The following FRMD1 variants were observed in gnomAD, a reference collection of about 807,000 sequenced individuals.
FRMD1 encodes FERM domain containing 1, also known as FERM domain-containing protein 1.
FRMD1 carries 51 observed loss-of-function variants against 54.9 expected under a neutral mutation model. The ratio of observed to expected loss-of-function variants is 0.93; its 90% CI spans 0.74 to 1.17. The LOEUF (loss-of-function observed/expected upper bound fraction) is 1.17, where lower values mean the gene tolerates loss of function less well. Among genes scored for constraint, FRMD1 ranks in the 50% most tolerant of loss-of-function variants. The probability of loss-of-function intolerance (pLI) is 0.00; values close to 1 mark genes in which losing one functional copy is unlikely to be tolerated. For missense variants in FRMD1, 729 were observed against 743.0 expected (o/e 0.98, Z 0.22); for synonymous variants, 324 against 306.4 (o/e 1.06, Z -0.60).
Position 168,059,817 on chromosome 6 carries a change from C to T in FRMD1, c.1343-629G>A, listed in dbSNP as rs968241579. Among the ~76,000 whole-genome samples the T allele has an allele frequency of 5.9e-5, 9 of 152,044 alleles. No individual in the cohort carries two copies. Among genetic ancestry groups the T allele is most frequent in the African/African-American group, 1.9e-4 (8 of 41,396 alleles). ...GGCCAGGTGCACACACAGTCCTACA[C>T]ACAGGGAATGGGCAGGGTGCATCCC... is the stretch of plus-strand genomic sequence containing the variant. On this transcript the variant is annotated intron_variant, in intron 9 of 10. Coordinates refer to ENST00000283309, the MANE Select transcript of FRMD1 (RefSeq NM_024919.6). The surrounding 1 kb of genome is among the most constrained non-coding windows in gnomAD (Gnocchi z 4.4).
intron 2 of FRMD1, among the ~76,000 whole-genome samples, chr6:168,073,008 G>A (rs575866969): frequency 6.6e-6 from 1 of 152,182 alleles, no homozygotes; most frequent in Non-Finnish European, 1.5e-5. Flanking sequence ...GGGAAGCTAC[G>A]TGTTTTGACT....
rs1379197569 is a variant in FRMD1, at chr6:168,054,656, A to G, written c.*2441T>C. On this transcript the variant is annotated 3_prime_UTR_variant, in exon 11 of 11. Transcript: ENST00000283309. ...CTGGAAAATAGCCGTATTGCCTAAA[A>G]GACCTCTGATCTCAATCTGTGCAAA... The G allele has an allele frequency of 6.6e-6, 1 of 152,170 alleles. No individual in the cohort carries two copies. The allele number at this position is 152,170 out of a possible 1,614,324, so 9.4% of individuals were successfully genotyped here.
In FRMD1 at chr6:168,075,240, C is replaced by T. The variant is rs1405573008; in HGVS notation, c.304+5G>A. On this transcript the variant is annotated splice_donor_5th_base_variant and intron_variant, in intron 2 of 10. Transcript: ENST00000283309. ...TCCTGCAGGTGGGGACTGAGCGATG[C>T]TTACTTCTGACCACACAGAGGCCAA... The T allele has an allele frequency of 6.2e-7, 1 of 1,613,306 alleles. No individual in the cohort carries two copies. The highest frequency in any genetic ancestry group is 2.2e-5 in the East Asian group (1 of 44,880).
chr6:168,071,872 C>T (rs1800324427), intron 2 of FRMD1, among the ~76,000 whole-genome samples: 1 of 152,228 alleles, frequency 6.6e-6, no homozygotes, highest in African/African-American at 2.4e-5. Flanking sequence ...GCGCTGCAGG[C>T]CCTCATCCTG....
chr6:168,091,428 C>T (rs1801014015), intron 1 of FRMD1, among the ~76,000 whole-genome samples: 1 of 152,244 alleles, frequency 6.6e-6, no homozygotes, highest in Non-Finnish European at 1.5e-5. Flanking sequence ...CCAGCAGAGT[C>T]CTCCTCAAGT....
intron 4 of FRMD1, chr6:168,065,330 G>A (rs1799974621): frequency 8.0e-7 from 1 of 1,246,986 alleles, no homozygotes. Flanking sequence ...TCCCCAGTGA[G>A]CTTGGCCTTC....
In FRMD1 at chr6:168,067,465, G is replaced by A. The variant is rs759674280; in HGVS notation, c.305-19C>T. On this transcript the variant is annotated intron_variant, in intron 2 of 10. Transcript: ENST00000283309. ...TCATTGTCTGAAAGCAAAACAAAAG[G>A]CTTCATCAGAGCAGTCACCATGCTT... 2 of 1,521,920 alleles carry A rather than the reference G, an allele frequency of 1.3e-6. No homozygotes were observed. The highest frequency in any genetic ancestry group is 1.8e-6 in the Non-Finnish European group (2 of 1,101,410). The allele number at this position is 1,521,920 out of a possible 1,614,324, so 94.3% of individuals were successfully genotyped here. A position where few individuals can be genotyped will look rare whatever the true frequency, so the allele number is the denominator to read the frequency against.
upstream of FRMD1, among the ~76,000 whole-genome samples, chr6:168,085,764 T>C (rs1366072339): frequency 6.7e-6 from 1 of 150,340 alleles, no homozygotes; most frequent in African/African-American, 2.5e-5. Flanking sequence ...AAGCCTTCCA[T>C]GGCTCCCTAT....
rs761882880 is a variant in FRMD1 at position 168,067,127 on chromosome 6, C to T, written c.384+240G>A. The T allele has an allele frequency of 4.3e-6, 3 of 703,292 alleles. No homozygotes were observed. The South Asian group carries it at 4.5e-5, about 11-fold the overall frequency. 43.6% of individuals were successfully genotyped at this position (703,292 alleles called of 1,614,324 possible). On this transcript the variant is annotated intron_variant, in intron 3 of 10. Coordinates refer to ENST00000283309, the MANE Select transcript of FRMD1 (RefSeq NM_024919.6). ...CTGCGGACAGCCCCTCTGGACGGAG[C>T]AGCTGCGTGGACAGAAGGCAGCACA...
At chr6:168,066,734 T>C in intron 4 of FRMD1, 21 bp downstream of exon 4, 1 of 1,605,796 alleles carries the variant, frequency 6.2e-7, no homozygotes, top group Non-Finnish European at 8.5e-7. Context: ...GAAACACCCC[T>C]TACAGTCCGC....
chr6:168,057,005 C>T lies in FRMD1; in HGVS notation c.*92G>A. On this transcript the variant is annotated 3_prime_UTR_variant, in exon 11 of 11. Transcript: ENST00000283309. ...CTGGCTGCGGAAGTGCAGGCAGCAT[C>T]TGGCGGGCAGGAAGGGACGAGGGCC... 1.5e-6 allele frequency: 2 copies of T among 1,375,028 alleles called. No individual in the cohort carries two copies. Among genetic ancestry groups the T allele is most frequent in the East Asian group, 5.5e-5 (2 of 36,044 alleles). 85.2% of individuals were successfully genotyped at this position (1,375,028 alleles called of 1,614,324 possible).
upstream of FRMD1, among the ~76,000 whole-genome samples, chr6:168,084,244 G>T (rs1259849202): frequency 6.6e-6 from 1 of 152,204 alleles, no homozygotes; most frequent in Non-Finnish European, 1.5e-5. Flanking sequence ...CATCATGAAG[G>T]CATGAAACCC....
upstream of FRMD1, among the ~76,000 whole-genome samples, chr6:168,083,434 T>C (rs1476076282): frequency 6.6e-6 from 1 of 152,168 alleles, no homozygotes; most frequent in Admixed American, 6.5e-5. Flanking sequence ...CTTCAAAAAG[T>C]GATTCAGAGA....
At position 168,056,978 on chromosome 6, in the gene FRMD1, T is replaced by A. The variant is rs1799434475; in HGVS notation, c.*119A>T. ...CTCTTACAGGTGAACCTGTGGAGCGTGCTGGCTGCGGAAGTGCAGGCAGCA... is the reference window on the plus strand; with the variant it reads ...CTCTTACAGGTGAACCTGTGGAGCGAGCTGGCTGCGGAAGTGCAGGCAGCA... On this transcript the variant is annotated 3_prime_UTR_variant, in exon 11 of 11. Transcript: ENST00000283309. 8.1e-7 allele frequency: 1 copy of A among 1,229,438 alleles called. No individual in the cohort carries two copies. The allele number at this position is 1,229,438 out of a possible 1,614,324, so 76.2% of individuals were successfully genotyped here.
At position 168,060,913 on chromosome 6, in the gene FRMD1, T is replaced by C; in HGVS notation, c.1190A>G (p.Tyr397Cys). The change falls in exon 9 of 11, where the codon TAC becomes TGC. Residue 397 changes from tyrosine to cysteine, a missense_variant. By Grantham distance (194) the Tyr-to-Cys change is radical. Coordinates refer to ENST00000283309, the MANE Select transcript of FRMD1 (RefSeq NM_024919.6). ...RHSADSHGSS[Y>C]TSGIKANSWL... Reference sequence around the variant, plus strand: ...GGAGTTGGCCTTGATGCCTGACGTGTAGGAACTGCCGTGGCTGTCGGCGGA... The same window carrying C: ...GGAGTTGGCCTTGATGCCTGACGTGCAGGAACTGCCGTGGCTGTCGGCGGA... 6.2e-7 allele frequency: 1 copy of C among 1,613,796 alleles called. No homozygotes were observed. The highest frequency in any genetic ancestry group is 8.5e-7 in the Non-Finnish European group (1 of 1,180,014).
chr6:168,059,075 G>C lies in FRMD1; in HGVS notation c.1407+49C>G, dbSNP rs749619950. 6.3e-6 allele frequency: 9 copies of C among 1,438,918 alleles called. No homozygotes were observed. Among genetic ancestry groups the C allele is most frequent in the South Asian group, 2.4e-5 (2 of 81,938 alleles). The allele number at this position is 1,438,918 out of a possible 1,614,324, so 89.1% of individuals were successfully genotyped here. A position where few individuals can be genotyped will look rare whatever the true frequency, so the allele number is the denominator to read the frequency against. On this transcript the variant is annotated intron_variant, in intron 10 of 10. Coordinates refer to ENST00000283309, the MANE Select transcript of FRMD1 (RefSeq NM_024919.6). The surrounding 1 kb of genome is among the most constrained non-coding windows in gnomAD (Gnocchi z 4.4). ...CCCCTGACAGGGGACCTAGGAGAAG[G>C]GGGTGGAGGAGCAGGGCCAGGGCTT...
At chr6:168,077,229 C>T (rs2115015881) in intron 1 of FRMD1, among the ~76,000 whole-genome samples, 1 of 151,950 alleles carries the variant, frequency 6.6e-6, no homozygotes, top group South Asian at 2.1e-4. Flanking sequence ...GTGTGCACAC[C>T]TCAATAGGGG....
At position 168,090,471 on chromosome 6, in the gene FRMD1, G is replaced by A. The variant is rs547928873; in HGVS notation, c.-12+10954C>T. Reference sequence around the variant, plus strand: ...CTGCCCCTGGGCCTTTGCACATGCTGTCTGAGGAGCTCTTTCCCAGCGTGG... The same window carrying A: ...CTGCCCCTGGGCCTTTGCACATGCTATCTGAGGAGCTCTTTCCCAGCGTGG... On this transcript the variant is annotated intron_variant, in intron 1 of 12. Coordinates refer to the FRMD1 transcript ENST00000644440. Among the ~76,000 whole-genome samples, 3 of 152,300 alleles carry A rather than the reference G, an allele frequency of 2.0e-5. No individual in the cohort carries two copies. The South Asian group carries it at 6.2e-4, about 32-fold the overall frequency.
intron 1 of FRMD1, among the ~76,000 whole-genome samples, chr6:168,076,782 GTAACACAGA>G (rs1800613724): frequency 6.6e-6 from 1 of 152,220 alleles, no homozygotes; most frequent in Non-Finnish European, 1.5e-5. Flanking sequence ...CACAATGACG[GTAACACAGA>G]TCTTCAGTGA....
Sources: gnomAD v4.1 joint callset for allele counts (sites outside exome capture counted in the v4.1 genomes callset) on GRCh38, gnomAD v4.1.1 for gene constraint, Gnocchi (gnomAD v3.1) non-coding constraint, MANE v1.5 for transcripts, NCBI Gene and HGNC (gene_info 2026-07-23, HGNC 2026-07-21) for gene names.